Variants in AFF3 observed in about 807,000 individuals in gnomAD.
The protein encoded by AFF3 is AF4/FMR2 family member 3.
In AFF3, 32 loss-of-function variants were observed where a neutral mutation model predicts 129.7. The ratio of observed to expected loss-of-function variants is 0.25; its 90% CI spans 0.19 to 0.33. The LOEUF is 0.33. Among genes scored for constraint, AFF3 ranks in the 10% least tolerant of loss-of-function variants. AFF3 has a pLI of 1.00. For synonymous variants in AFF3, 644 were observed against 635.4 expected (o/e 1.01, Z -0.20); for missense variants, 1,373 against 1,592.0 (o/e 0.86, Z 2.34).
At chr2:99,840,054 T>A (rs1207438743) in intron 7 of AFF3, among the ~76,000 whole-genome samples, 2 of 152,250 alleles carry the variant, frequency 1.3e-5, no homozygotes, top group African/African-American at 4.8e-5. Context: ...CTTTGTATAT[T>A]CTGGATATCA....
At chr2:99,788,777 C>A (rs1399681282) in intron 8 of AFF3, among the ~76,000 whole-genome samples, 1 of 152,230 alleles carries the variant, frequency 6.6e-6, no homozygotes, top group Non-Finnish European at 1.5e-5. Flanking sequence ...CCCAGAGCAA[C>A]TTCCAGTCCT....
At chr2:99,744,823 T>C (rs946393523) in intron 9 of AFF3, among the ~76,000 whole-genome samples, 1 of 152,222 alleles carries the variant, frequency 6.6e-6, no homozygotes, top group African/African-American at 2.4e-5. Context: ...TTTTGGATAT[T>C]GTAAATAATA....
At chr2:99,562,506 A>C (rs1675562565) in intron 20 of AFF3, among the ~76,000 whole-genome samples, 1 of 152,200 alleles carries the variant, frequency 6.6e-6, no homozygotes, top group Admixed American at 6.5e-5. Context: ...TTCTTTTTAA[A>C]ATAACTTCCA....
chr2:100,120,491 C>T (rs542401831), intron 2 of AFF3, among the ~76,000 whole-genome samples: 1 of 133,976 alleles, frequency 7.5e-6, no homozygotes, highest in Admixed American at 7.6e-5. Flanking sequence ...CTTGTGAATA[C>T]TTATCCAACC....
intron 15 of AFF3, 90 bp from the exon 16 acceptor site, chr2:99,587,368 CTGGG>C: frequency 6.6e-7 from 1 of 1,506,328 alleles, no homozygotes; most frequent in Non-Finnish European, 9.0e-7. Flanking sequence ...GCAAGGCCTC[CTGGG>C]AGCCCCACTC....
At chr2:99,664,929 T>C (rs771856732) in intron 12 of AFF3, among the ~76,000 whole-genome samples, 8 of 152,220 alleles carry the variant, frequency 5.3e-5, no homozygotes, top group Non-Finnish European at 1.0e-4. Flanking sequence ...ACGGACTAAC[T>C]GGGAGTTGAT....
intron 2 of AFF3, among the ~76,000 whole-genome samples, chr2:100,124,191 T>C (rs1174358605): frequency 1.3e-5 from 2 of 152,170 alleles, no homozygotes; most frequent in African/African-American, 4.8e-5. Flanking sequence ...TCCTTGAAGA[T>C]GCGTCTAGGA....
intron 7 of AFF3, among the ~76,000 whole-genome samples, chr2:99,997,294 CAT>C (rs1199706058): frequency 6.6e-6 from 1 of 152,194 alleles, no homozygotes; most frequent in African/African-American, 2.4e-5. Flanking sequence ...CTGCCTCACA[CAT>C]AGTTTTCCTC....
At chr2:99,936,908 A>G (rs970077281) in intron 7 of AFF3, among the ~76,000 whole-genome samples, 10 of 152,190 alleles carry the variant, frequency 6.6e-5, no homozygotes, top group African/African-American at 2.2e-4. Flanking sequence ...CACCTCAGTA[A>G]GCACAGCTCT....
chr2:100,045,399 G>A (rs558015611), intron 4 of AFF3, among the ~76,000 whole-genome samples: 2 of 152,216 alleles, frequency 1.3e-5, no homozygotes, highest in Non-Finnish European at 2.9e-5. Flanking sequence ...AGCAGCTCCC[G>A]TGACTGCGTT....
intron 12 of AFF3, among the ~76,000 whole-genome samples, chr2:99,659,879 C>T (rs1217582739): frequency 8.5e-5 from 13 of 152,194 alleles, no homozygotes; most frequent in Admixed American, 8.5e-4. Context: ...AATCCCTCCA[C>T]CAGATGAAAG....
intron 13 of AFF3, among the ~76,000 whole-genome samples, chr2:99,648,120 TC>T (rs112173934): frequency 2.9e-4 from 44 of 152,110 alleles, no homozygotes; most frequent in Admixed American, 8.5e-4. Context: ...ACCTTTTTTT[TC>T]CTGTATTTAT....
At chr2:99,701,980 G>A (rs1027987714) in intron 11 of AFF3, among the ~76,000 whole-genome samples, 11 of 152,198 alleles carry the variant, frequency 7.2e-5, no homozygotes, top group African/African-American at 2.7e-4. Context: ...CATCCAAGTT[G>A]TATGTATTAA....
intron 8 of AFF3, among the ~76,000 whole-genome samples, chr2:99,827,513 T>A (rs1240924043): frequency 3.3e-5 from 5 of 151,908 alleles, no homozygotes; most frequent in Non-Finnish European, 1.5e-5. Context: ...AAAAGCCATT[T>A]CAGGAAGGAA....
intron 13 of AFF3, among the ~76,000 whole-genome samples, chr2:99,610,091 A>T (rs1680772520): frequency 6.6e-6 from 1 of 152,184 alleles, no homozygotes; most frequent in African/African-American, 2.4e-5. Context: ...CTGAGAATAG[A>T]TAACCACCTT....
chr2:100,039,010 C>T (rs1685207158), intron 4 of AFF3, among the ~76,000 whole-genome samples: 2 of 152,168 alleles, frequency 1.3e-5, no homozygotes, highest in Non-Finnish European at 2.9e-5. Context: ...AGGTGTGACC[C>T]ACCATGCCCA....
At chr2:99,986,858 A>G (rs1297681951) in intron 7 of AFF3, among the ~76,000 whole-genome samples, 1 of 152,218 alleles carries the variant, frequency 6.6e-6, no homozygotes, top group Non-Finnish European at 1.5e-5. Flanking sequence ...AGTTGAAATT[A>G]TGCTGTGGAG....
chr2:99,594,388 A>G, intron 14 of AFF3, 99 bp from the exon 15 acceptor site: 1 of 1,485,172 alleles, frequency 6.7e-7, no homozygotes, highest in South Asian at 1.4e-5. Flanking sequence ...CTCTAAGTAT[A>G]TGAGCAGAAA....
chr2:99,628,724 T>C (rs1417956892), intron 13 of AFF3, among the ~76,000 whole-genome samples: 1 of 7,370 alleles, frequency 1.4e-4, no homozygotes, highest in African/African-American at 7.9e-4. Flanking sequence ...GCTTGACTGA[T>C]TTTTTTTTTT....
Sources: gnomAD v4.1 joint callset for allele counts (sites outside exome capture counted in the v4.1 genomes callset) on GRCh38, gnomAD v4.1.1 for gene constraint, MANE v1.5 for transcripts, NCBI Gene and HGNC (gene_info 2026-07-23, HGNC 2026-07-21) for gene names.